ANKRD30BL: variants seen among roughly 807,000 people sequenced by gnomAD.
ANKRD30BL encodes the protein ankyrin repeat domain 30B like.
Under a neutral mutation model 18.4 loss-of-function variants are expected in ANKRD30BL, and 20 were observed. That is an observed-to-expected ratio of 1.09 (90% CI 0.77 to 1.58). ANKRD30BL has a LOEUF of 1.58. Among genes scored for constraint, ANKRD30BL ranks in the 40% most tolerant of loss-of-function variants. The pLI, the probability that ANKRD30BL is intolerant of heterozygous loss-of-function variation, is 0.00. For synonymous variants in ANKRD30BL, 72 were observed against 100.9 expected (o/e 0.71, Z 1.72); for missense variants, 224 against 268.6 (o/e 0.83, Z 1.16).
chr2:132,161,623 T>C lies in ANKRD30BL; in HGVS notation c.83A>G (p.Asn28Ser). Residue 28 changes from asparagine (N) to serine (S), a missense_variant, in exon 1 of 6, where the codon AAC (asparagine) becomes AGC (serine). Asn to Ser is a conservative substitution (Grantham distance 46). This residue lies in a region of ANKRD30BL where 131 missense variants were observed against 128.8 expected (regional missense o/e 1.02). Coordinates refer to ENST00000409867, the MANE Select transcript of ANKRD30BL (RefSeq NM_001358416.1). ...ATGGTGAATCACGTAAGAGTCGTTGTTGGTGTAGACCAGCTGACTGAAGGG... is the reference window on the plus strand; with the variant it reads ...ATGGTGAATCACGTAAGAGTCGTTGCTGGTGTAGACCAGCTGACTGAAGGG... ...PSPFSQLVYT[N>S]NDSYVIHHGD... The C allele has an allele frequency of 6.9e-7, 1 of 1,452,402 alleles. No individual in the cohort carries two copies. Among genetic ancestry groups the C allele is most frequent in the Non-Finnish European group, 9.4e-7 (1 of 1,059,444 alleles). The allele number at this position is 1,452,402 out of a possible 1,614,324, so 90.0% of individuals were successfully genotyped here. A position where few individuals can be genotyped will look rare whatever the true frequency, so the allele number is the denominator to read the frequency against.
chr2:132,203,112 T>C (rs1679141156), intron 1 of ANKRD30BL, among the ~76,000 whole-genome samples: 1 of 152,272 alleles, frequency 6.6e-6, no homozygotes, highest in South Asian at 2.1e-4. Context: ...CACCCACCCC[T>C]GCTGAAATAA....
At chr2:132,180,593 A>T (rs1428722880) in intron 1 of ANKRD30BL, among the ~76,000 whole-genome samples, 1 of 152,028 alleles carries the variant, frequency 6.6e-6, no homozygotes, top group African/African-American at 2.4e-5. Context: ...AATCTTACCC[A>T]GAGACAGGCA....
intron 1 of ANKRD30BL, among the ~76,000 whole-genome samples, chr2:132,221,607 C>T (rs1447524442): frequency 5.4e-5 from 7 of 130,810 alleles, no homozygotes; most frequent in Admixed American, 2.1e-4. Context: ...GGGATCAGCC[C>T]CCCGCCCGGC....
intron 1 of ANKRD30BL, among the ~76,000 whole-genome samples, chr2:132,197,689 T>C (rs1678994928): frequency 6.6e-6 from 1 of 151,870 alleles, no homozygotes; most frequent in Non-Finnish European, 1.5e-5. Context: ...TATAGGTTAG[T>C]TGTTTCTTCT....
At chr2:132,235,071 G>A (rs1402301492) in intron 1 of ANKRD30BL, among the ~76,000 whole-genome samples, 1 of 151,946 alleles carries the variant, frequency 6.6e-6, no homozygotes, top group African/African-American at 2.4e-5. Context: ...TATAAACAGA[G>A]CCAAAGACAA....
chr2:132,235,079 C>T (rs896788203), intron 1 of ANKRD30BL, among the ~76,000 whole-genome samples: 2 of 151,952 alleles, frequency 1.3e-5, no homozygotes, highest in Non-Finnish European at 2.9e-5. Flanking sequence ...GAGCCAAAGA[C>T]AAAAAACCAC....
chr2:132,219,140 A>G (rs12614888), intron 1 of ANKRD30BL, among the ~76,000 whole-genome samples: 9,008 of 151,902 alleles, frequency 0.059, 327 homozygotes, highest in South Asian at 0.12. Context: ...AAAGGGGAGT[A>G]TCTTCACATA....
At chr2:132,177,153 A>ATT (rs143824901) in intron 1 of ANKRD30BL, among the ~76,000 whole-genome samples, 60 of 144,034 alleles carry the variant, frequency 4.2e-4, no homozygotes, top group African/African-American at 1.4e-3. Context: ...AGATGTGCCT[A>ATT]TTTTTTTTTT....
At chr2:132,225,287 A>G (rs908764323) in intron 1 of ANKRD30BL, among the ~76,000 whole-genome samples, 2 of 152,046 alleles carry the variant, frequency 1.3e-5, no homozygotes, top group African/African-American at 4.8e-5. Flanking sequence ...GGACATTTGG[A>G]GAGCTTTGAG....
At chr2:132,196,631 C>G (rs1678974581) in intron 1 of ANKRD30BL, among the ~76,000 whole-genome samples, 1 of 151,820 alleles carries the variant, frequency 6.6e-6, no homozygotes, top group Non-Finnish European at 1.5e-5. Flanking sequence ...ACTAAAAATT[C>G]AAAAATTAGC....
chr2:132,234,063 G>A (rs1452162292), intron 1 of ANKRD30BL, among the ~76,000 whole-genome samples: 1 of 152,050 alleles, frequency 6.6e-6, no homozygotes, highest in Non-Finnish European at 1.5e-5. Context: ...CATGGAAACT[G>A]AACAACCTGC....
chr2:132,217,178 A>G (rs1409813586), intron 1 of ANKRD30BL, among the ~76,000 whole-genome samples: 1 of 152,104 alleles, frequency 6.6e-6, no homozygotes, highest in African/African-American at 2.4e-5. Context: ...ACTTTATCAT[A>G]GAGCAGTTTT....
chr2:132,150,720 C>G (rs1687734492), intron 5 of ANKRD30BL, among the ~76,000 whole-genome samples, 192 bp downstream of exon 5: 1 of 151,772 alleles, frequency 6.6e-6, no homozygotes, highest in Admixed American at 6.6e-5. Context: ...CTACCTACAA[C>G]TAAATTCTTA....
intron 4 of ANKRD30BL, among the ~76,000 whole-genome samples, chr2:132,151,670 C>A (rs1354662533): frequency 1.3e-5 from 2 of 151,356 alleles, no homozygotes; most frequent in Non-Finnish European, 2.9e-5. Flanking sequence ...TCAAATATTG[C>A]AATTTTCTGT....
At chr2:132,196,358 G>C (rs1558927670) in intron 1 of ANKRD30BL, among the ~76,000 whole-genome samples, 1 of 151,978 alleles carries the variant, frequency 6.6e-6, no homozygotes, top group African/African-American at 2.4e-5. Context: ...CAGAGGCTGA[G>C]GTAAGAGAAT....
intron 1 of ANKRD30BL, among the ~76,000 whole-genome samples, chr2:132,209,015 C>A (rs1232470812): frequency 2.0e-5 from 3 of 151,838 alleles, no homozygotes; most frequent in Admixed American, 6.6e-5. Flanking sequence ...ATCTTCACAT[C>A]AAAACCAGAC....
At chr2:132,214,558 T>C (rs930987428) in intron 1 of ANKRD30BL, among the ~76,000 whole-genome samples, 40 of 151,842 alleles carry the variant, frequency 2.6e-4, no homozygotes, top group Admixed American at 3.9e-4. Flanking sequence ...TGTGCATTCA[T>C]ATCATGGAGT....
intron 1 of ANKRD30BL, among the ~76,000 whole-genome samples, chr2:132,230,574 G>A (rs1679981869): frequency 6.6e-6 from 1 of 151,236 alleles, no homozygotes; most frequent in Non-Finnish European, 1.5e-5. Flanking sequence ...CAGTTTTGAA[G>A]CACTGTTTTT....
intron 1 of ANKRD30BL, among the ~76,000 whole-genome samples, chr2:132,178,008 AT>A (rs1218279808): frequency 6.6e-6 from 1 of 152,124 alleles, no homozygotes; most frequent in Non-Finnish European, 1.5e-5. Context: ...GGAGGATGTG[AT>A]TCTTAAAATG....
Sources: gnomAD v4.1 joint callset for allele counts (sites outside exome capture counted in the v4.1 genomes callset) on GRCh38, gnomAD v4.1.1 for gene constraint, gnomAD v4.1.1 regional missense constraint, MANE v1.5 for transcripts, NCBI Gene and HGNC (gene_info 2026-07-23, HGNC 2026-07-21) for gene names.